Variants in ADAM7 observed in about 807,000 individuals in gnomAD.
The protein encoded by ADAM7 is disintegrin and metalloproteinase domain-containing protein 7.
ADAM7 carries 97 observed loss-of-function variants against 102.9 expected under a neutral mutation model. That is an observed-to-expected ratio of 0.94 (90% CI 0.80 to 1.12). The LOEUF (loss-of-function observed/expected upper bound fraction) is 1.12. Among genes scored for constraint, ADAM7 ranks in the 50% most tolerant of loss-of-function variants. The probability of loss-of-function intolerance (pLI) is 0.00; values close to 1 mark genes in which losing one functional copy is unlikely to be tolerated. For missense variants in ADAM7, 991 were observed against 908.7 expected, an observed-to-expected ratio of 1.09 and a Z score of -1.16; for synonymous variants, 334 against 304.4, an observed-to-expected ratio of 1.10 and a Z score of -1.01.
intron 8 of ADAM7, among the ~76,000 whole-genome samples, chr8:24,478,439 A>G (rs1311714689): frequency 6.6e-6 from 1 of 152,182 alleles, no homozygotes; most frequent in Non-Finnish European, 1.5e-5. Flanking sequence ...TATTCAACTC[A>G]GAATCCTCTG....
chr8:24,460,331 T>A (rs1049743934), intron 3 of ADAM7, among the ~76,000 whole-genome samples: 5 of 152,060 alleles, frequency 3.3e-5, no homozygotes, highest in African/African-American at 1.2e-4. Flanking sequence ...AACATTAACA[T>A]TGAATGTTAA....
chr8:24,459,166 G>T (rs990261751), intron 3 of ADAM7, among the ~76,000 whole-genome samples: 4 of 151,704 alleles, frequency 2.6e-5, no homozygotes, highest in African/African-American at 9.7e-5. Context: ...GTAGGAAAGA[G>T]GTTTTATAAC....
chr8:24,458,726 G>T (rs1378896880), intron 3 of ADAM7, among the ~76,000 whole-genome samples: 1 of 151,936 alleles, frequency 6.6e-6, no homozygotes, highest in Non-Finnish European at 1.5e-5. Context: ...CACTTTTCCT[G>T]ATCTTAAAGG....
chr8:24,507,584 T>G lies in ADAM7; in HGVS notation c.2264+49T>G, dbSNP rs750472681. ...CCTCCCTTTTTTATTTTTCAAATGC[T>G]GGCATAGTTTTGTGTTCTTTACCAA... On this transcript the variant is annotated intron_variant, in intron 21 of 21. Transcript: ENST00000175238. 6 of 1,473,156 alleles carry G rather than the reference T, an allele frequency of 4.1e-6. No homozygotes were observed. In the South Asian group the frequency reaches 6.8e-5, roughly 17 times the overall value. The allele number at this position is 1,473,156 out of a possible 1,614,324, so 91.3% of individuals were successfully genotyped here.
At chr8:24,443,660 G>A (rs1479734113) in intron 2 of ADAM7, among the ~76,000 whole-genome samples, 5 of 152,100 alleles carry the variant, frequency 3.3e-5, no homozygotes, top group Non-Finnish European at 5.9e-5. Flanking sequence ...CATTATGGCT[G>A]GGTGCAGTGG....
intron 20 of ADAM7, among the ~76,000 whole-genome samples, chr8:24,504,758 C>T (rs967884024): frequency 6.6e-6 from 1 of 151,996 alleles, no homozygotes; most frequent in Non-Finnish European, 1.5e-5. Context: ...AGAGCATACC[C>T]CCACTCTATC....
intron 7 of ADAM7, among the ~76,000 whole-genome samples, chr8:24,469,115 A>T (rs1282452556): frequency 1.3e-5 from 2 of 152,184 alleles, no homozygotes; most frequent in Non-Finnish European, 1.5e-5. Context: ...AAAAGTGGAA[A>T]ATCTCCAAGT....
intron 13 of ADAM7, among the ~76,000 whole-genome samples, chr8:24,491,526 T>G (rs1450902963): frequency 1.3e-5 from 2 of 152,154 alleles, no homozygotes; most frequent in African/African-American, 4.8e-5. Flanking sequence ...TTATTGGGAC[T>G]GGAGATTTCC....
At chr8:24,444,819 A>G (rs1460462693) in intron 2 of ADAM7, among the ~76,000 whole-genome samples, 2 of 152,134 alleles carry the variant, frequency 1.3e-5, no homozygotes, top group Non-Finnish European at 2.9e-5. Flanking sequence ...GGAAAAACTA[A>G]GAAGACCTGA....
At chr8:24,443,238 G>A (rs1008810325) in intron 2 of ADAM7, among the ~76,000 whole-genome samples, 2 of 152,028 alleles carry the variant, frequency 1.3e-5, no homozygotes, top group East Asian at 1.9e-4. Flanking sequence ...TGACAGGCAC[G>A]TTGCCCAAAC....
At chr8:24,485,166 G>A in intron 9 of ADAM7, 111 bp from the exon 10 acceptor site, 2 of 934,552 alleles carry the variant, frequency 2.1e-6, no homozygotes, top group East Asian at 2.5e-5. Flanking sequence ...AAATAAGAAG[G>A]CATTTTCACA....
chr8:24,482,436 T>C (rs1438537295), intron 9 of ADAM7, 125 bp downstream of exon 9: 22 of 950,892 alleles, frequency 2.3e-5, no homozygotes, highest in Non-Finnish European at 3.5e-5. Context: ...AGGGACAAAA[T>C]GTTATTTGTA....
intron 16 of ADAM7, among the ~76,000 whole-genome samples, chr8:24,495,404 A>G (rs920375913): frequency 6.6e-6 from 1 of 152,160 alleles, no homozygotes; most frequent in Non-Finnish European, 1.5e-5. Context: ...AAATGAAAAA[A>G]ATAGAAGGTC....
intron 13 of ADAM7, 24 bp downstream of exon 13, chr8:24,490,912 GT>G (rs200976746): frequency 4.0e-3 from 4,937 of 1,233,310 alleles, no homozygotes; most frequent in Admixed American, 7.6e-3. Context: ...CCAGGAGAAG[GT>G]TTTTTTTTTT....
At chr8:24,483,097 A>G (rs977929382) in intron 9 of ADAM7, among the ~76,000 whole-genome samples, 3 of 152,170 alleles carry the variant, frequency 2.0e-5, no homozygotes, top group Admixed American at 6.5e-5. Flanking sequence ...AACTAATCTG[A>G]TAAGTGAAAC....
intron 20 of ADAM7, among the ~76,000 whole-genome samples, chr8:24,504,042 AT>A (rs1820859480): frequency 1.3e-5 from 2 of 148,392 alleles, no homozygotes; most frequent in Non-Finnish European, 3.0e-5. Flanking sequence ...ATAAAATAAA[AT>A]AAAATAAAAT....
intron 20 of ADAM7, among the ~76,000 whole-genome samples, chr8:24,505,366 A>T (rs527928519): frequency 7.1e-4 from 108 of 152,260 alleles, no homozygotes; most frequent in African/African-American, 2.3e-3. Flanking sequence ...AGATGAATAA[A>T]TATCTGTTGA....
intron 2 of ADAM7, among the ~76,000 whole-genome samples, chr8:24,446,473 T>A (rs1818562571): frequency 6.6e-6 from 1 of 152,116 alleles, no homozygotes; most frequent in Admixed American, 6.6e-5. Flanking sequence ...TTGGCAATAG[T>A]TATAAAAGCT....
intron 21 of ADAM7, 107 bp downstream of exon 21, chr8:24,507,642 T>A: frequency 3.4e-6 from 3 of 872,074 alleles, no homozygotes; most frequent in Non-Finnish European, 5.2e-6. Context: ...CCTCTGTACT[T>A]ATCACAACAG....
Sources: gnomAD v4.1 joint callset for allele counts (sites outside exome capture counted in the v4.1 genomes callset) on GRCh38, gnomAD v4.1.1 for gene constraint, MANE v1.5 for transcripts, NCBI Gene and HGNC (gene_info 2026-07-23, HGNC 2026-07-21) for gene names.